The following CIT variants were observed in gnomAD, a reference collection of about 807,000 sequenced individuals.
CIT encodes citron Rho-interacting kinase.
A neutral mutation model predicts 272.7 loss-of-function variants in CIT; 79 were observed. That is an observed-to-expected ratio of 0.29 (90% CI 0.24 to 0.35). The LOEUF is 0.35. Among genes scored for constraint, CIT ranks in the 10% least tolerant of loss-of-function variants. The pLI, the probability that CIT is intolerant of heterozygous loss-of-function variation, is 1.00. For synonymous variants in CIT, 948 were observed against 995.6 expected, an observed-to-expected ratio of 0.95 and a Z score of 0.90; for missense variants, 1,909 against 2,618.3, an observed-to-expected ratio of 0.73 and a Z score of 5.91.
In CIT at chr12:119,782,512, G is replaced by A. The variant is rs779315702; in HGVS notation, c.1665+6C>T. ...TGCTGCTGTGCTCCCAGGCAAGCAG[G>A]CCTACCTGCTCTTTGATTTCTTGGA... On this transcript the variant is annotated splice_donor_region_variant and intron_variant, in intron 13 of 47. Transcript: ENST00000392521. 1 of 1,613,604 alleles carries A rather than the reference G, an allele frequency of 6.2e-7. No individual in the cohort carries two copies. The highest frequency in any genetic ancestry group is 8.5e-7 in the Non-Finnish European group (1 of 1,179,878).
At chr12:119,864,225 G>A (rs1950451535) in intron 3 of CIT, among the ~76,000 whole-genome samples, 1 of 152,098 alleles carries the variant, frequency 6.6e-6, no homozygotes, top group Non-Finnish European at 1.5e-5. Context: ...TCAAATGGTA[G>A]TAATTCAGCT....
chr12:119,857,416 C>T, intron 4 of CIT, 107 bp downstream of exon 4: 1 of 1,129,168 alleles, frequency 8.9e-7, no homozygotes, highest in East Asian at 2.4e-5. Flanking sequence ...TATAGAGTCA[C>T]AGAGGAAAAC....
intron 4 of CIT, among the ~76,000 whole-genome samples, chr12:119,855,479 G>A (rs1417529165): frequency 6.6e-6 from 1 of 152,108 alleles, no homozygotes; most frequent in Non-Finnish European, 1.5e-5. Flanking sequence ...CCTTCCAGCT[G>A]TCAGAGAACC....
intron 4 of CIT, among the ~76,000 whole-genome samples, chr12:119,855,817 T>C (rs1188988195): frequency 6.6e-6 from 1 of 152,058 alleles, no homozygotes; most frequent in Non-Finnish European, 1.5e-5. Context: ...GTGTGGCCTG[T>C]TGGATTATTT....
At chr12:119,852,925 GT>G (rs1290518251) in intron 4 of CIT, among the ~76,000 whole-genome samples, 1 of 151,944 alleles carries the variant, frequency 6.6e-6, no homozygotes, top group Non-Finnish European at 1.5e-5. Flanking sequence ...AAGAAAAAAA[GT>G]TGTTTATACT....
At chr12:119,763,622 C>T (rs1022209027) in intron 19 of CIT, among the ~76,000 whole-genome samples, 5 of 152,116 alleles carry the variant, frequency 3.3e-5, no homozygotes, top group Admixed American at 6.6e-5. Context: ...TGAGCATGTA[C>T]GTGTTAGATT....
chr12:119,704,597 G>T, intron 40 of CIT, 142 bp from the exon 41 acceptor site: 1 of 701,950 alleles, frequency 1.4e-6, no homozygotes, highest in East Asian at 2.7e-5. Context: ...GCTGTCCTGG[G>T]CATCGCAGGA....
chr12:119,872,525 T>C (rs538303618), intron 2 of CIT, among the ~76,000 whole-genome samples: 4 of 152,336 alleles, frequency 2.6e-5, no homozygotes, highest in Admixed American at 2.6e-4. Context: ...ATACTTGCAA[T>C]AATAGCTTTA....
chr12:119,855,797 T>G (rs1359354910), intron 4 of CIT, among the ~76,000 whole-genome samples: 1 of 152,180 alleles, frequency 6.6e-6, no homozygotes, highest in Admixed American at 6.5e-5. Context: ...ATCTCTATTG[T>G]TTGCCTGCCG....
intron 22 of CIT, among the ~76,000 whole-genome samples, chr12:119,754,363 T>C (rs1960665406): frequency 6.6e-6 from 1 of 152,232 alleles, no homozygotes; most frequent in African/African-American, 2.4e-5. Flanking sequence ...CTTGACCATG[T>C]ACAGGGTAAA....
At chr12:119,830,476 C>A (rs554937810) in intron 7 of CIT, among the ~76,000 whole-genome samples, 2 of 152,070 alleles carry the variant, frequency 1.3e-5, no homozygotes, top group Admixed American at 1.3e-4. Flanking sequence ...TATTTATTTA[C>A]CAAGCAGTAA....
In CIT at chr12:119,739,551, T is replaced by C. The variant is rs1052098971; in HGVS notation, c.2958+2860A>G. ...CGGTCTTGAACTTGCAAAAGTATAA[T>C]TGAGACCTACTATTGTGGCCAAATG... On this transcript the variant is annotated intron_variant, in intron 24 of 47. Transcript: ENST00000392521. Among the ~76,000 whole-genome samples the C allele has an allele frequency of 2.6e-5, 4 of 152,214 alleles. No homozygotes were observed. In the East Asian group the frequency reaches 7.7e-4, roughly 29 times the overall value.
In CIT at chr12:119,686,064, T is replaced by C. The variant is rs926298891; in HGVS notation, c.*2168A>G. 3.3e-5 allele frequency: 5 copies of C among 152,488 alleles called. No individual in the cohort carries two copies. The highest frequency in any genetic ancestry group is 1.2e-4 in the African/African-American group (5 of 41,504). The allele number at this position is 152,488 out of a possible 1,614,324, so 9.4% of individuals were successfully genotyped here. On this transcript the variant is annotated 3_prime_UTR_variant, in exon 48 of 48. Transcript: ENST00000392521. ...AGATGGCTGTCCACAACTACCACCA[T>C]TGAAACCAAAAGTAAGTGTTGAAAA...
rs575849027 is a variant in CIT at position 119,745,634 on chromosome 12, G to C, written c.2905-3170C>G. On this transcript the variant is annotated intron_variant, in intron 23 of 47. Coordinates refer to ENST00000392521, the MANE Select transcript of CIT (RefSeq NM_001206999.2). ...GGTAAAACAAAACAAACCAAAAATAGATTAGTTGCTGAAAATAGCCAGAAG... is the reference window on the plus strand; with the variant it reads ...GGTAAAACAAAACAAACCAAAAATACATTAGTTGCTGAAAATAGCCAGAAG... Among the ~76,000 whole-genome samples, 3 of 152,114 alleles carry C rather than the reference G, an allele frequency of 2.0e-5. No individual in the cohort carries two copies. In the South Asian group the frequency reaches 6.2e-4, roughly 32 times the overall value.
At chr12:119,724,960 G>A (rs1313428393) in intron 28 of CIT, among the ~76,000 whole-genome samples, 1 of 135,894 alleles carries the variant, frequency 7.4e-6, no homozygotes, top group African/African-American at 2.7e-5. Flanking sequence ...AAAAAAAAGT[G>A]TCATGTTGAG....
Position 119,687,829 on chromosome 12 carries a change from G to GA in CIT, c.*402dup, listed in dbSNP as rs1191785729. On this transcript the variant is annotated 3_prime_UTR_variant, in exon 48 of 48. Transcript: ENST00000392521. Reference sequence around the variant, plus strand: ...AAAAAAAAAAGGAAAGAAACAAAGAGAAAAAAAAAAGAAAAACCAACCAAT... The same window carrying GA: ...AAAAAAAAAAGGAAAGAAACAAAGAGAAAAAAAAAAAGAAAAACCAACCAAT... 2.1e-3 allele frequency: 333 copies of GA among 161,702 alleles called. 1 individual carries two copies. The highest frequency in any genetic ancestry group is 5.1e-3 in the Middle Eastern group (2 of 390). 10.0% of individuals were successfully genotyped at this position (161,702 alleles called of 1,614,324 possible). A position where few individuals can be genotyped will look rare whatever the true frequency, so the allele number is the denominator to read the frequency against.
At chr12:119,790,495 T>G (rs1965216005) in intron 10 of CIT, among the ~76,000 whole-genome samples, 1 of 152,108 alleles carries the variant, frequency 6.6e-6, no homozygotes, top group Non-Finnish European at 1.5e-5. Context: ...TTAAAATGCC[T>G]TCCAAAATTT....
chr12:119,712,579 GCTC>G lies in CIT; in HGVS notation c.4684+9_4684+11del. 1 of 1,612,802 alleles carries G rather than the reference GCTC, an allele frequency of 6.2e-7. No individual in the cohort carries two copies. Among genetic ancestry groups the G allele is most frequent in the South Asian group, 1.1e-5 (1 of 91,044 alleles). Reference sequence around the variant, plus strand: ...CCACCTCCAGGGCGGGGCTCCTCCGGCTCCTCCTCACCTGCTTTGGCTGTATTT... The same window carrying G: ...CCACCTCCAGGGCGGGGCTCCTCCGGCTCCTCACCTGCTTTGGCTGTATTT... On this transcript the variant is annotated intron_variant, in intron 36 of 47. Transcript: ENST00000392521. This position sits in a 1 kb window ranked among gnomAD's most constrained non-coding sequence, Gnocchi z 5.2.
chr12:119,734,131 T>C (rs1958625977), intron 26 of CIT, 33 bp downstream of exon 26: 2 of 1,607,070 alleles, frequency 1.2e-6, no homozygotes, highest in South Asian at 1.1e-5. Context: ...TGCGGTCACC[T>C]GTCATGAGCT....
Sources: allele counts gnomAD v4.1 joint callset (sites outside exome capture counted in the v4.1 genomes callset), GRCh38; gene constraint gnomAD v4.1.1; non-coding constraint Gnocchi (gnomAD v3.1); transcripts MANE v1.5; gene names NCBI Gene and HGNC (gene_info 2026-07-23, HGNC 2026-07-21).